Variants in DIAPH3 observed in about 807,000 individuals in gnomAD.
The protein encoded by DIAPH3 is protein diaphanous homolog 3.
Under a neutral mutation model 144.3 loss-of-function variants are expected in DIAPH3, and 117 were observed. That is an observed-to-expected ratio of 0.81 (90% CI 0.70 to 0.95). The LOEUF is 0.95. Among genes scored for constraint, DIAPH3 ranks in the 40% least tolerant of loss-of-function variants. DIAPH3 has a pLI of 0.00. For missense variants in DIAPH3, 1,421 were observed against 1,412.7 expected, an observed-to-expected ratio of 1.01 and a Z score of -0.09; for synonymous variants, 519 against 488.9, an observed-to-expected ratio of 1.06 and a Z score of -0.81.
chr13:60,079,780 A>T (rs1386035590), intron 4 of DIAPH3, among the ~76,000 whole-genome samples: 2 of 151,892 alleles, frequency 1.3e-5, no homozygotes, highest in African/African-American at 4.8e-5. Flanking sequence ...TATATGTGTT[A>T]TTTTTTCTTA....
intron 4 of DIAPH3, among the ~76,000 whole-genome samples, chr13:60,086,102 A>G (rs2137846787): frequency 6.6e-6 from 1 of 152,264 alleles, no homozygotes; most frequent in Admixed American, 6.5e-5. Flanking sequence ...TGTCTTAACT[A>G]CCTATACGAT....
rs1440536596 is a variant in DIAPH3, at chr13:59,665,698, CTTA to C, written c.*883_*885del. Reference sequence around the variant, plus strand: ...GCTTAGGAAAACTTTCCTTGAAACACTTATTTAGATCTTTGTTAAAGTTATTGA... The same window carrying C: ...GCTTAGGAAAACTTTCCTTGAAACACTTTAGATCTTTGTTAAAGTTATTGA... On this transcript the variant is annotated 3_prime_UTR_variant, in exon 28 of 28. Coordinates refer to ENST00000400324, the MANE Select transcript of DIAPH3 (RefSeq NM_001042517.2). The C allele has an allele frequency of 6.6e-6, 1 of 152,522 alleles. No individual in the cohort carries two copies. The highest frequency in any genetic ancestry group is 1.9e-4 in the East Asian group (1 of 5,200). The allele number at this position is 152,522 out of a possible 1,614,324, so 9.4% of individuals were successfully genotyped here.
At chr13:59,742,834 A>C (rs1390201106) in intron 27 of DIAPH3, among the ~76,000 whole-genome samples, 1 of 152,248 alleles carries the variant, frequency 6.6e-6, no homozygotes, top group Non-Finnish European at 1.5e-5. Flanking sequence ...TTCATCCTTC[A>C]TAAGTTGACA....
intron 27 of DIAPH3, among the ~76,000 whole-genome samples, chr13:59,716,244 C>T (rs342571): frequency 0.6 from 91,229 of 151,948 alleles, 27,920 homozygotes; most frequent in East Asian, 0.7. Flanking sequence ...GGGGCAATCT[C>T]GGCTCACTGC....
chr13:59,762,052 CTTTTTTTTTTTTT>C (rs35387511), intron 27 of DIAPH3, among the ~76,000 whole-genome samples: 100 of 59,526 alleles, frequency 1.7e-3, no homozygotes, highest in African/African-American at 6.5e-3. Context: ...GCGTCAGCAT[CTTTTTTTTTTTTT>C]TTTTTTTTTT....
chr13:60,082,236 GA>G (rs2057583188), intron 4 of DIAPH3, among the ~76,000 whole-genome samples: 1 of 150,854 alleles, frequency 6.6e-6, no homozygotes, highest in Admixed American at 6.6e-5. Context: ...ATGCAGACAT[GA>G]AAAAAATAAA....
chr13:60,101,516 G>A (rs1478761620), intron 3 of DIAPH3, among the ~76,000 whole-genome samples: 1 of 150,562 alleles, frequency 6.6e-6, no homozygotes, highest in Non-Finnish European at 1.5e-5. Flanking sequence ...ATATTTTTGC[G>A]ATTTCTTTTT....
chr13:59,861,641 T>C (rs894461488), intron 21 of DIAPH3, 105 bp from the exon 22 acceptor site: 62 of 1,263,592 alleles, frequency 4.9e-5, no homozygotes, highest in Admixed American at 6.1e-5. Flanking sequence ...GACTAAAAGT[T>C]GTAAAATTAG....
chr13:59,759,408 C>T (rs1458636477), intron 27 of DIAPH3, among the ~76,000 whole-genome samples: 1 of 152,104 alleles, frequency 6.6e-6, no homozygotes, highest in African/African-American at 2.4e-5. Context: ...GTTATTAAAA[C>T]AATATGCAGA....
At chr13:60,156,590 AT>A (rs1313835271) in intron 1 of DIAPH3, among the ~76,000 whole-genome samples, 1 of 151,964 alleles carries the variant, frequency 6.6e-6, no homozygotes, top group Admixed American at 6.6e-5. Context: ...GTATACATCT[AT>A]TTGACTTGAG....
chr13:59,989,768 A>T (rs987644203), intron 12 of DIAPH3, among the ~76,000 whole-genome samples: 1 of 151,930 alleles, frequency 6.6e-6, no homozygotes, highest in African/African-American at 2.4e-5. Flanking sequence ...ATACAACCAC[A>T]TGCTCTCTTG....
At position 59,916,196 on chromosome 13, in the gene DIAPH3, A is replaced by G; in HGVS notation, c.2224T>C (p.Leu742=). 6.2e-7 allele frequency: 1 copy of G among 1,613,340 alleles called. No individual in the cohort carries two copies. The highest frequency in any genetic ancestry group is 2.2e-5 in the East Asian group (1 of 44,774). ...VPYEEIRMMI[L]EVDETRLAES... The stretch of plus-strand genomic sequence containing the variant: ...GCCAACCGTGTTTCATCTACTTCCA[A>G]TATCATCATTCTGATTTCCTCATAT... Residue 742 remains leucine (L), a synonymous_variant, in exon 19 of 28, where the codon TTG becomes CTG. Transcript: ENST00000400324.
chr13:59,885,556 G>T (rs2045387144), intron 20 of DIAPH3, among the ~76,000 whole-genome samples: 1 of 146,914 alleles, frequency 6.8e-6, no homozygotes, highest in Non-Finnish European at 1.5e-5. Flanking sequence ...ACCAAAATTT[G>T]TGTATCTACT....
At chr13:60,117,215 A>G (rs555982772) in intron 2 of DIAPH3, among the ~76,000 whole-genome samples, 21 of 152,220 alleles carry the variant, frequency 1.4e-4, no homozygotes, top group Non-Finnish European at 2.5e-4. Flanking sequence ...TTTTACCCAA[A>G]TGGAAAAATA....
intron 27 of DIAPH3, among the ~76,000 whole-genome samples, chr13:59,717,280 G>A (rs190227583): frequency 1.5e-4 from 23 of 152,256 alleles, no homozygotes; most frequent in Non-Finnish European, 1.3e-4. Context: ...TATACATACC[G>A]ATTAAGCTTT....
chr13:60,001,144 G>C (rs1021243744), intron 9 of DIAPH3, among the ~76,000 whole-genome samples: 5 of 152,160 alleles, frequency 3.3e-5, no homozygotes, highest in African/African-American at 1.2e-4. Context: ...CAAAGAGCAG[G>C]CTCACTTCAT....
chr13:59,913,460 T>C (rs887271010), intron 19 of DIAPH3, among the ~76,000 whole-genome samples: 2 of 152,134 alleles, frequency 1.3e-5, no homozygotes, highest in Non-Finnish European at 2.9e-5. Context: ...ATGCAACTCC[T>C]CTGCTCTATT....
rs1333185170 is a variant in DIAPH3 at position 59,924,794 on chromosome 13, A to G, written c.2151T>C (p.Ser717=). 5 of 1,602,134 alleles carry G rather than the reference A, an allele frequency of 3.1e-6. No homozygotes were observed. The African/African-American group carries it at 5.4e-5, about 17-fold the overall frequency. Residue 717 remains serine (S), a synonymous_variant, in exon 18 of 28, where the codon TCT becomes TCC. Transcript: ENST00000400324. ...ACTTACAAAGGTTCTGGGCAATTTTAGAATCTAAAAACTTAAGTTCTTTAA... is the reference window on the plus strand; with the variant it reads ...ACTTACAAAGGTTCTGGGCAATTTTGGAATCTAAAAACTTAAGTTCTTTAA... ...KKIKELKFLD[S]KIAQNLSIFL... is the part of the protein sequence containing the mutation.
chr13:59,715,341 G>C lies in DIAPH3; in HGVS notation c.3320-48495C>G, dbSNP rs988896734. Reference sequence around the variant, plus strand: ...TTCTGTAGCAGTACATTTTTTAGAGGGTTCTAAAGAAAACTTGTGAAGATA... The same window carrying C: ...TTCTGTAGCAGTACATTTTTTAGAGCGTTCTAAAGAAAACTTGTGAAGATA... On this transcript the variant is annotated intron_variant, in intron 27 of 27. Coordinates refer to ENST00000400324, the MANE Select transcript of DIAPH3 (RefSeq NM_001042517.2). Among the ~76,000 whole-genome samples the C allele has an allele frequency of 2.6e-5, 4 of 152,038 alleles. No homozygotes were observed. In the South Asian group the frequency reaches 6.2e-4, roughly 24 times the overall value.
Sources: gnomAD v4.1 joint callset for allele counts (sites outside exome capture counted in the v4.1 genomes callset) on GRCh38, gnomAD v4.1.1 for gene constraint, MANE v1.5 for transcripts, NCBI Gene and HGNC (gene_info 2026-07-23, HGNC 2026-07-21) for gene names.